CDH9: variants seen among roughly 807,000 people sequenced by gnomAD.
CDH9 encodes the protein cadherin 9.
CDH9 carries 28 observed loss-of-function variants against 70.9 expected under a neutral mutation model. The ratio of observed to expected loss-of-function variants is 0.40; its 90% CI spans 0.29 to 0.54. The LOEUF is 0.54. CDH9 is among the 20% of genes least tolerant of loss of function. The pLI is 0.59. For synonymous variants in CDH9, 409 were observed against 343.1 expected, an observed-to-expected ratio of 1.19 and a Z score of -2.12; for missense variants, 874 against 984.4, an observed-to-expected ratio of 0.89 and a Z score of 1.50.
intron 7 of CDH9, among the ~76,000 whole-genome samples, chr5:26,897,742 C>A (rs1275380247): frequency 2.6e-5 from 4 of 152,060 alleles, no homozygotes; most frequent in African/African-American, 9.7e-5. Flanking sequence ...GGAAACATTC[C>A]CTTTGAAAAC....
At chr5:26,929,661 TA>T (rs1464226171) in intron 2 of CDH9, among the ~76,000 whole-genome samples, 2 of 152,104 alleles carry the variant, frequency 1.3e-5, no homozygotes, top group East Asian at 3.9e-4. Context: ...TACTCAGCCA[TA>T]AAAAATAGCG....
intron 11 of CDH9, among the ~76,000 whole-genome samples, chr5:26,883,622 C>G (rs927498800): frequency 4.6e-5 from 7 of 152,094 alleles, no homozygotes; most frequent in African/African-American, 1.7e-4. Flanking sequence ...CATAGTTAGA[C>G]TTGCTCCAGA....
chr5:26,901,152 A>T (rs984439436), intron 7 of CDH9, among the ~76,000 whole-genome samples: 9 of 151,982 alleles, frequency 5.9e-5, no homozygotes, highest in African/African-American at 9.7e-5. Context: ...TTTATGTATC[A>T]TGGTAAAAAT....
chr5:26,986,862 G>A (rs905004142), intron 2 of CDH9, among the ~76,000 whole-genome samples: 2 of 152,000 alleles, frequency 1.3e-5, no homozygotes, highest in African/African-American at 2.4e-5. Flanking sequence ...CAGGCAAAAA[G>A]GAACCAGCAA....
At chr5:26,996,456 T>C (rs1406174152) in intron 1 of CDH9, among the ~76,000 whole-genome samples, 1 of 152,006 alleles carries the variant, frequency 6.6e-6, no homozygotes, top group Non-Finnish European at 1.5e-5. Flanking sequence ...ATTCCTGTGA[T>C]TTTCCAATAC....
chr5:26,909,424 T>C (rs528384313), intron 3 of CDH9, among the ~76,000 whole-genome samples: 8 of 151,904 alleles, frequency 5.3e-5, no homozygotes, highest in Admixed American at 2.6e-4. Flanking sequence ...TATTTTATTT[T>C]CATATTAAAG....
intron 2 of CDH9, among the ~76,000 whole-genome samples, chr5:26,965,093 C>A (rs916958954): frequency 1.3e-5 from 2 of 152,040 alleles, no homozygotes; most frequent in Admixed American, 6.6e-5. Flanking sequence ...AAGGGACAGA[C>A]GCTGAGTAGA....
At chr5:26,958,639 C>G (rs908415549) in intron 2 of CDH9, among the ~76,000 whole-genome samples, 7 of 152,068 alleles carry the variant, frequency 4.6e-5, no homozygotes, top group Admixed American at 3.9e-4. Context: ...AAGACACTGC[C>G]TCAGTACAAG....
chr5:26,969,967 A>AACTG (rs1162369951), intron 2 of CDH9, among the ~76,000 whole-genome samples: 1 of 150,108 alleles, frequency 6.7e-6, no homozygotes, highest in Non-Finnish European at 1.5e-5. Flanking sequence ...ACACCCATGC[A>AACTG]ACTGACCCTG....
At chr5:26,912,020 G>T (rs1396483322) in intron 3 of CDH9, among the ~76,000 whole-genome samples, 1 of 151,940 alleles carries the variant, frequency 6.6e-6, no homozygotes, top group East Asian at 1.9e-4. Flanking sequence ...GATAAATAGA[G>T]ATCAACAGAA....
At chr5:26,916,399 G>T in intron 2 of CDH9, among the ~76,000 whole-genome samples, 1 of 151,890 alleles carries the variant, frequency 6.6e-6, no homozygotes, top group East Asian at 1.9e-4. Flanking sequence ...CTTCAGTACA[G>T]AGTATCCCCT....
chr5:26,920,214 T>C (rs1378197341), intron 2 of CDH9, among the ~76,000 whole-genome samples: 3 of 151,818 alleles, frequency 2.0e-5, no homozygotes, highest in Non-Finnish European at 4.4e-5. Flanking sequence ...GAGTGAACAT[T>C]GGCGGTAGCT....
intron 2 of CDH9, among the ~76,000 whole-genome samples, chr5:26,940,215 A>G (rs918230289): frequency 6.6e-6 from 1 of 151,934 alleles, no homozygotes; most frequent in Admixed American, 6.6e-5. Flanking sequence ...GTAAAAAATG[A>G]GAGTATGTAT....
intron 2 of CDH9, among the ~76,000 whole-genome samples, chr5:26,960,738 T>C (rs746907051): frequency 1.1e-4 from 16 of 152,034 alleles, no homozygotes; most frequent in Non-Finnish European, 1.9e-4. Context: ...CTAGAATCTT[T>C]CAGTAGCATA....
chr5:27,012,950 T>G (rs754340367), intron 1 of CDH9, among the ~76,000 whole-genome samples: 6 of 151,718 alleles, frequency 4.0e-5, no homozygotes, highest in Non-Finnish European at 8.8e-5. Context: ...GGAGGGTGAG[T>G]GAAACAAGGA....
intron 2 of CDH9, among the ~76,000 whole-genome samples, chr5:26,960,939 C>A (rs985925025): frequency 1.3e-5 from 2 of 151,922 alleles, no homozygotes; most frequent in Non-Finnish European, 2.9e-5. Context: ...AAAGTAAACA[C>A]CAAATCAAAA....
At chr5:27,027,658 G>A (rs1272379299) in intron 1 of CDH9, among the ~76,000 whole-genome samples, 2 of 151,886 alleles carry the variant, frequency 1.3e-5, no homozygotes, top group East Asian at 1.9e-4. Flanking sequence ...CTGTCCTTAC[G>A]CTGACTATCA....
At chr5:27,006,710 C>G (rs1683695961) in intron 1 of CDH9, among the ~76,000 whole-genome samples, 1 of 152,062 alleles carries the variant, frequency 6.6e-6, no homozygotes, top group African/African-American at 2.4e-5. Flanking sequence ...TCATCTGGTT[C>G]CTGAAAATAC....
intron 3 of CDH9, among the ~76,000 whole-genome samples, chr5:26,910,851 A>C (rs948905330): frequency 6.6e-6 from 1 of 152,198 alleles, no homozygotes; most frequent in African/African-American, 2.4e-5. Context: ...GGGCGATGAC[A>C]GCCACTAATT....
Sources: gnomAD v4.1 joint callset for allele counts (sites outside exome capture counted in the v4.1 genomes callset) on GRCh38, gnomAD v4.1.1 for gene constraint, MANE v1.5 for transcripts, NCBI Gene and HGNC (gene_info 2026-07-23, HGNC 2026-07-21) for gene names.